Variants in LMTK3 observed in about 807,000 individuals in gnomAD.
LMTK3 encodes the protein serine/threonine-protein kinase LMTK3.
LMTK3 carries 27 observed loss-of-function variants against 116.7 expected under a neutral mutation model. The ratio of observed to expected loss-of-function variants is 0.23; its 90% CI spans 0.17 to 0.32. The LOEUF is 0.32. Among genes scored for constraint, LMTK3 ranks in the 10% least tolerant of loss-of-function variants. LMTK3 has a pLI of 1.00. For synonymous variants in LMTK3, 965 were observed against 971.0 expected (o/e 0.99, Z 0.11); for missense variants, 1,764 against 2,068.5 (o/e 0.85, Z 2.86).
Position 48,493,847 on chromosome 19 carries a change from G to C in LMTK3, c.3939C>G (p.Val1313=). Residue 1313 remains valine (V), a synonymous_variant, in exon 12 of 15, where the codon GTC becomes GTG. Coordinates refer to ENST00000600059, the MANE Select transcript of LMTK3 (RefSeq NM_001388485.1). ...PGRARAAPVP[V]VVSSADADAA... ...CGTCCGCGTCGGCGCTGCTCACCAC[G>C]ACGGGCACCGGGGCTGCTCGCGCCC... is the stretch of plus-strand genomic sequence containing the variant. 2 of 1,404,218 alleles carry C rather than the reference G, an allele frequency of 1.4e-6. No individual in the cohort carries two copies. Among genetic ancestry groups the C allele is most frequent in the Non-Finnish European group, 1.9e-6 (2 of 1,080,206 alleles). 87.0% of individuals were successfully genotyped at this position (1,404,218 alleles called of 1,614,324 possible).
intron 14 of LMTK3, among the ~76,000 whole-genome samples, chr19:48,488,738 C>CTTTT (rs35544294): frequency 1.8e-5 from 2 of 112,922 alleles, no homozygotes; most frequent in African/African-American, 6.5e-5. Flanking sequence ...TTAAATTACA[C>CTTTT]TTTTTTTTTT....
intron 5 of LMTK3, among the ~76,000 whole-genome samples, chr19:48,505,132 G>C (rs1351517034): frequency 6.2e-5 from 1 of 16,116 alleles, no homozygotes; most frequent in Non-Finnish European, 1.7e-4. Context: ...TTTTTTTTAT[G>C]AGACAGAGTC....
chr19:48,490,545 A>C (rs1972203548), intron 14 of LMTK3, among the ~76,000 whole-genome samples: 1 of 151,910 alleles, frequency 6.6e-6, no homozygotes. Context: ...AAAAAAAAAA[A>C]AAAATGAGGA....
chr19:48,498,400 G>A lies in LMTK3; in HGVS notation c.2669C>T (p.Ala890Val), dbSNP rs1396536375. ...CTCTCTGTTCCCGGGGCCTCTCCCCGCCTTCCTGGGTCCTGTCTCCCGGGC... is the reference window on the plus strand; with the variant it reads ...CTCTCTGTTCCCGGGGCCTCTCCCCACCTTCCTGGGTCCTGTCTCCCGGGC... ...ATARETGPRK[A>V]GRGPGNREKV... Residue 890 changes from alanine (A) to valine (V), a missense_variant, in exon 11 of 15, where the codon GCG (alanine) becomes GTG (valine). Transcript: ENST00000600059. The A allele has an allele frequency of 1.9e-6, 3 of 1,610,616 alleles. No individual in the cohort carries two copies. The highest frequency in any genetic ancestry group is 2.2e-5 in the East Asian group (1 of 44,770).
chr19:48,495,931 G>A (rs1350402983), intron 11 of LMTK3, among the ~76,000 whole-genome samples: 1 of 152,168 alleles, frequency 6.6e-6, no homozygotes, highest in Non-Finnish European at 1.5e-5. Context: ...TTTCAGAAAG[G>A]CATATCTGTG....
Position 48,494,244 on chromosome 19 carries a change from AC to A in LMTK3, c.3677-136del. ...CCCACTTTGTGAACGGAAGGGCTGC[AC>A]CAGGGCTTCTCCAGGCAGGGTGGGA... is the stretch of plus-strand genomic sequence containing the variant. On this transcript the variant is annotated intron_variant, in intron 11 of 14. Transcript: ENST00000600059. This position sits in a 1 kb window ranked among gnomAD's most constrained non-coding sequence, Gnocchi z 4.0. 1 of 415,586 alleles carries A rather than the reference AC, an allele frequency of 2.4e-6. No homozygotes were observed. The highest frequency in any genetic ancestry group is 3.5e-6 in the Non-Finnish European group (1 of 286,642). 25.7% of individuals were successfully genotyped at this position (415,586 alleles called of 1,614,324 possible).
chr19:48,502,850 T>C, intron 6 of LMTK3, 59 bp downstream of exon 6: 2 of 1,284,046 alleles, frequency 1.6e-6, no homozygotes, highest in Non-Finnish European at 2.2e-6. Context: ...GCACCAGGCT[T>C]GGCCCCGGCC....
intron 6 of LMTK3, 123 bp from the exon 7 acceptor site, chr19:48,502,704 G>T: frequency 8.3e-7 from 1 of 1,208,678 alleles, no homozygotes; most frequent in Non-Finnish European, 1.1e-6. Context: ...TTCCTCTGCT[G>T]CTTGCAGCAG....
chr19:48,513,369 G>T, upstream of LMTK3: 1 of 614,078 alleles, frequency 1.6e-6, no homozygotes, highest in East Asian at 2.8e-5. The surrounding 1 kb of genome is among the most constrained non-coding windows in gnomAD (Gnocchi z 5.6). Flanking sequence ...CTGAGGCACA[G>T]CGCGGGGTAG....
At chr19:48,486,169 C>T (rs1301374887) in intron 14 of LMTK3, among the ~76,000 whole-genome samples, 2 of 146,518 alleles carry the variant, frequency 1.4e-5, no homozygotes, top group Admixed American at 6.8e-5. Context: ...ACGCCATTCT[C>T]CTGCCTCAGC....
At chr19:48,493,323 T>C (rs1194297101) in intron 12 of LMTK3, among the ~76,000 whole-genome samples, 1 of 17,306 alleles carries the variant, frequency 5.8e-5, no homozygotes, top group African/African-American at 2.4e-4. Context: ...GGCCCCGCCC[T>C]GGGCTCCGCC....
upstream of LMTK3, among the ~76,000 whole-genome samples, chr19:48,512,060 G>A (rs1972673874): frequency 6.6e-6 from 1 of 151,118 alleles, no homozygotes; most frequent in Admixed American, 6.6e-5. Flanking sequence ...GCGGGGGTGG[G>A]GGGGCAGGGC....
rs1465136841 is a variant in LMTK3, at chr19:48,498,887, C to G, written c.2182G>C (p.Ala728Pro). The change falls in exon 11 of 15, where the codon GCC becomes CCC. Residue 728 changes from alanine (A) to proline (P), a missense_variant. Physicochemically the swap from Ala to Pro is conservative, Grantham distance 27 (BLOSUM62 -1). Coordinates refer to ENST00000600059, the MANE Select transcript of LMTK3 (RefSeq NM_001388485.1). ...AGGGGGTCCAGAAACTCGGGGGGGG[C>G]CGAGGCGGGGGGGGCCATGGGCAAG... ...ADLPMAPPASAPPEFLDPLMG... is the reference protein window; with the variant it reads ...ADLPMAPPASPPPEFLDPLMG... The G allele has an allele frequency of 1.6e-5, 19 of 1,175,474 alleles. No individual in the cohort carries two copies. The highest frequency in any genetic ancestry group is 3.1e-4 in the Middle Eastern group (1 of 3,226). 72.8% of individuals were successfully genotyped at this position (1,175,474 alleles called of 1,614,324 possible).
rs953033067 is a variant in LMTK3, at chr19:48,497,131, C to T, written c.3676+262G>A. Among the ~76,000 whole-genome samples the T allele has an allele frequency of 6.6e-6, 1 of 152,246 alleles. No individual in the cohort carries two copies. The highest frequency in any genetic ancestry group is 2.4e-5 in the African/African-American group (1 of 41,472). The stretch of plus-strand genomic sequence containing the variant: ...GATGTCCTAATTCATTTAACCTTCA[C>T]AGCAACCCTATGACGTAGGTTCTAT... On this transcript the variant is annotated intron_variant, in intron 11 of 14. Transcript: ENST00000600059. The surrounding 1 kb of genome is among the most constrained non-coding windows in gnomAD (Gnocchi z 5.7).
rs1478313343 is a variant in LMTK3, at chr19:48,502,600, A to C, written c.646-19T>G. 1.3e-6 allele frequency: 2 copies of C among 1,520,422 alleles called. No homozygotes were observed. Among genetic ancestry groups the C allele is most frequent in the Admixed American group, 4.4e-5 (2 of 45,720 alleles). The allele number at this position is 1,520,422 out of a possible 1,614,324, so 94.2% of individuals were successfully genotyped here. On this transcript the variant is annotated intron_variant, in intron 6 of 14. Transcript: ENST00000600059. ...GGTCCCCCTGGGAGGGAGGCAAAGAAGGTCAGCACCACCAGCCGCTCAGGT... is the reference window on the plus strand; with the variant it reads ...GGTCCCCCTGGGAGGGAGGCAAAGACGGTCAGCACCACCAGCCGCTCAGGT...
At chr19:48,493,658 C>G (rs1479230327) in intron 12 of LMTK3, 36 bp downstream of exon 12, 1 of 1,539,378 alleles carries the variant, frequency 6.5e-7, no homozygotes, top group Non-Finnish European at 8.8e-7. Context: ...CCCTCCAGGC[C>G]GCGACCCCGA....
chr19:48,493,954 C>T lies in LMTK3; in HGVS notation c.3832G>A (p.Gly1278Arg). The T allele has an allele frequency of 9.6e-7, 1 of 1,041,180 alleles. No homozygotes were observed. The highest frequency in any genetic ancestry group is 1.1e-6 in the Non-Finnish European group (1 of 869,784). 64.5% of individuals were successfully genotyped at this position (1,041,180 alleles called of 1,614,324 possible). A position where few individuals can be genotyped will look rare whatever the true frequency, so the allele number is the denominator to read the frequency against. ...TCCTCGTCCTCGTCCTCGTCCTCCC[C>T]GTCCTCCTCCGCCGGCCCCGGCGCT... ...AGAPGPAEED[G>R]EDEDEDEEED... Residue 1278 changes from glycine to arginine, a missense_variant, in exon 12 of 15, where the codon GGG becomes AGG. Transcript: ENST00000600059.
Position 48,497,531 on chromosome 19 carries a change from C to T in LMTK3, c.3538G>A (p.Ala1180Thr). Residue 1180 changes from alanine (A) to threonine (T), a missense_variant, in exon 11 of 15, where the codon GCC (alanine) becomes ACC (threonine). Ala to Thr is a moderately conservative substitution (Grantham distance 58, BLOSUM62 0). Transcript: ENST00000600059. The surrounding 1 kb of genome is among the most constrained non-coding windows in gnomAD (Gnocchi z 5.7). ...PEVAPEGEPG[A>T]PDSRAGGDTA... is the part of the protein sequence containing the mutation. ...TCTCCGCCGGCCCTGCTGTCTGGGG[C>T]CCCGGGCTCTCCCTCGGGGGCCACC... is the stretch of plus-strand genomic sequence containing the variant. The T allele has an allele frequency of 7.1e-7, 1 of 1,411,264 alleles. No homozygotes were observed. The highest frequency in any genetic ancestry group is 1.9e-4 in the Middle Eastern group (1 of 5,134). 87.4% of individuals were successfully genotyped at this position (1,411,264 alleles called of 1,614,324 possible).
intron 4 of LMTK3, 27 bp from the exon 5 acceptor site, chr19:48,508,996 C>G: frequency 6.7e-7 from 1 of 1,499,200 alleles, no homozygotes; most frequent in Non-Finnish European, 9.2e-7. Context: ...CAGGAGTCAG[C>G]GAGTGCCGTT....
Sources: allele counts gnomAD v4.1 joint callset (sites outside exome capture counted in the v4.1 genomes callset), GRCh38; gene constraint gnomAD v4.1.1; non-coding constraint Gnocchi (gnomAD v3.1); transcripts MANE v1.5; gene names NCBI Gene and HGNC (gene_info 2026-07-23, HGNC 2026-07-21).